Variants in MYLK observed in about 807,000 individuals in gnomAD.
MYLK encodes myosin light chain kinase, also known as myosin light chain kinase, smooth muscle.
In MYLK, 106 loss-of-function variants were observed where a neutral mutation model predicts 203.4. That is an observed-to-expected ratio of 0.52 (90% CI 0.45 to 0.61). The LOEUF (loss-of-function observed/expected upper bound fraction) is 0.61, where lower values mean the gene tolerates loss of function less well. Among genes scored for constraint, MYLK ranks in the 20% least tolerant of loss-of-function variants. MYLK has a pLI of 0.00. For missense variants in MYLK, 2,072 were observed against 2,442.3 expected (o/e 0.85, Z 3.20); for synonymous variants, 867 against 959.5 (o/e 0.90, Z 1.78).
chr3:123,616,530 T>C lies in MYLK; in HGVS notation c.5500+2109A>G, dbSNP rs370199114. ...CACCTGACTTTCTCTTAAATGTTGG[T>C]GAAGTATTTTTATAGGAAAAAAATT... On this transcript the variant is annotated intron_variant, in intron 33 of 33. Coordinates refer to ENST00000360304, the MANE Select transcript of MYLK (RefSeq NM_053025.4). 5 of 152,270 alleles carry C rather than the reference T, an allele frequency of 3.3e-5. No homozygotes were observed. The East Asian group carries it at 5.8e-4, about 18-fold the overall frequency. The allele number at this position is 152,270 out of a possible 1,614,324, so 9.4% of individuals were successfully genotyped here. A position where few individuals can be genotyped will look rare whatever the true frequency, so the allele number is the denominator to read the frequency against.
rs1426319095 is a variant in MYLK, at chr3:123,715,259, A to T, written c.1805-5366T>A. Among the ~76,000 whole-genome samples, 5 of 152,228 alleles carry T rather than the reference A, an allele frequency of 3.3e-5. No homozygotes were observed. In the East Asian group the frequency reaches 9.6e-4, roughly 29 times the overall value. ...AACAAATGACCTATCAGGATCCAAG[A>T]GCAGCCATGCAGAAAGCCCATGGGC... is the stretch of plus-strand genomic sequence containing the variant. On this transcript the variant is annotated intron_variant, in intron 13 of 33. Transcript: ENST00000360304.
intron 5 of MYLK, among the ~76,000 whole-genome samples, chr3:123,744,393 AAG>A (rs1212417850): frequency 6.6e-6 from 1 of 152,222 alleles, no homozygotes; most frequent in Admixed American, 6.5e-5. Context: ...AGCAAAGTGA[AAG>A]AGCACAGGTC....
At chr3:123,670,095 T>C (rs2059867824) in intron 20 of MYLK, among the ~76,000 whole-genome samples, 1 of 145,980 alleles carries the variant, frequency 6.9e-6, no homozygotes, top group South Asian at 2.2e-4. Flanking sequence ...GGAATCTAGA[T>C]GAAGGGTATA....
At chr3:123,730,036 G>C (rs139899423) in intron 11 of MYLK, among the ~76,000 whole-genome samples, 1 of 152,136 alleles carries the variant, frequency 6.6e-6, no homozygotes, top group Non-Finnish European at 1.5e-5. Flanking sequence ...AGACCAGCCT[G>C]GGCAACATAG....
chr3:123,748,004 G>A (rs577891803), intron 5 of MYLK, among the ~76,000 whole-genome samples: 82 of 152,176 alleles, frequency 5.4e-4, no homozygotes, highest in Non-Finnish European at 1.0e-3. Flanking sequence ...TTCTCGCATT[G>A]TTATAAATAC....
intron 11 of MYLK, among the ~76,000 whole-genome samples, chr3:123,729,778 G>A (rs2062413055): frequency 6.6e-6 from 1 of 152,024 alleles, no homozygotes. Context: ...CTACCCAGGA[G>A]GCTGAGGTGG....
chr3:123,778,148 A>C (rs2064146055), intron 4 of MYLK, among the ~76,000 whole-genome samples: 1 of 152,016 alleles, frequency 6.6e-6, no homozygotes, highest in Non-Finnish European at 1.5e-5. Context: ...TATCATCCCT[A>C]AGGGGGGGCG....
intron 4 of MYLK, among the ~76,000 whole-genome samples, chr3:123,764,242 A>G (rs2063629236): frequency 1.3e-5 from 2 of 152,142 alleles, no homozygotes; most frequent in African/African-American, 4.8e-5. Flanking sequence ...TCTGTTCCAT[A>G]ACAGAGGATT....
chr3:123,665,976 T>C (rs1383097199), intron 22 of MYLK, among the ~76,000 whole-genome samples: 2 of 152,306 alleles, frequency 1.3e-5, no homozygotes, highest in South Asian at 2.1e-4. Context: ...TTTCTACTTT[T>C]CCCCTCACAC....
chr3:123,766,394 G>A (rs1163145525), intron 4 of MYLK, among the ~76,000 whole-genome samples: 2 of 152,254 alleles, frequency 1.3e-5, no homozygotes, highest in Non-Finnish European at 2.9e-5. Flanking sequence ...AGTCAGGGCT[G>A]TGTAAGAGGT....
At chr3:123,726,426 T>C (rs756371705) in intron 11 of MYLK, among the ~76,000 whole-genome samples, 11 of 152,202 alleles carry the variant, frequency 7.2e-5, no homozygotes, top group Non-Finnish European at 1.5e-4. Context: ...TCCTTCCTGC[T>C]TGTTGGTCCT....
At chr3:123,735,257 C>T in intron 9 of MYLK, 141 bp downstream of exon 9, 1 of 1,161,722 alleles carries the variant, frequency 8.6e-7, no homozygotes, top group East Asian at 2.4e-5. Context: ...CAAGACAAAA[C>T]ACCCAAAATA....
At chr3:123,869,453 C>T (rs2032584387) in intron 2 of MYLK, among the ~76,000 whole-genome samples, 1 of 152,090 alleles carries the variant, frequency 6.6e-6, no homozygotes, top group South Asian at 2.1e-4. Flanking sequence ...ACAAGAGGCC[C>T]AAACAACCTA....
intron 2 of MYLK, among the ~76,000 whole-genome samples, chr3:123,872,329 GT>G (rs1422153637): frequency 1.3e-5 from 2 of 152,222 alleles, no homozygotes; most frequent in South Asian, 2.1e-4. Flanking sequence ...GCTATGTGGA[GT>G]TTTTTTCCTC....
intron 16 of MYLK, among the ~76,000 whole-genome samples, chr3:123,704,621 CG>C (rs2061379615): frequency 6.6e-6 from 1 of 151,802 alleles, no homozygotes; most frequent in Non-Finnish European, 1.5e-5. Flanking sequence ...GAACTAATTT[CG>C]GCCGGGCATG....
Position 123,722,197 on chromosome 3 carries a change from C to A in MYLK, c.1735G>T (p.Gly579Cys), listed in dbSNP as rs1221401063. The A allele has an allele frequency of 6.4e-7, 1 of 1,561,640 alleles. No individual in the cohort carries two copies. Among genetic ancestry groups the A allele is most frequent in the East Asian group, 2.4e-5 (1 of 41,816 alleles). The change falls in exon 13 of 34, where the codon GGC (glycine) becomes TGC (cysteine). Residue 579 changes from glycine to cysteine, a missense_variant. Physicochemically the swap from Gly to Cys is radical, Grantham distance 159. Transcript: ENST00000360304. ...HIQDALPEDH[G>C]TYTCLAENAL... ...TTCTCAGCTAGGCAGGTGTAGGTGC[C>A]ATGGTCCTCCGGCAGGGCATCCTGG...
At chr3:123,854,970 T>C (rs2031219461) in intron 2 of MYLK, among the ~76,000 whole-genome samples, 1 of 152,210 alleles carries the variant, frequency 6.6e-6, no homozygotes, top group African/African-American at 2.4e-5. Flanking sequence ...CATTTATTTA[T>C]ACATAACTTG....
intron 19 of MYLK, among the ~76,000 whole-genome samples, chr3:123,687,816 C>A (rs1173164081): frequency 6.6e-6 from 1 of 152,144 alleles, no homozygotes; most frequent in African/African-American, 2.4e-5. Flanking sequence ...GGACTACAGG[C>A]ATGCCCCACA....
chr3:123,619,472 T>G (rs2057721282), intron 32 of MYLK, among the ~76,000 whole-genome samples: 1 of 152,186 alleles, frequency 6.6e-6, no homozygotes, highest in Non-Finnish European at 1.5e-5. Context: ...ACCCTACCTT[T>G]GCTCACCAAG....
Sources: gnomAD v4.1 joint callset for allele counts (sites outside exome capture counted in the v4.1 genomes callset) on GRCh38, gnomAD v4.1.1 for gene constraint, MANE v1.5 for transcripts, NCBI Gene and HGNC (gene_info 2026-07-23, HGNC 2026-07-21) for gene names.